Variants in NVL observed in about 807,000 individuals in gnomAD.
The protein encoded by NVL is nuclear valosin-containing protein-like.
A neutral mutation model predicts 110.2 loss-of-function variants in NVL; 84 were observed. That is an observed-to-expected ratio of 0.76 (90% confidence interval 0.64 to 0.91). The LOEUF is 0.91. Ranked by LOEUF, NVL falls within the 40% of genes least tolerant of loss-of-function variation. The pLI, the probability that NVL is intolerant of heterozygous loss-of-function variation, is 0.00. For synonymous variants in NVL, 354 were observed against 361.1 expected, an observed-to-expected ratio of 0.98 and a Z score of 0.22; for missense variants, 882 against 1,035.9, an observed-to-expected ratio of 0.85 and a Z score of 2.04.
At chr1:224,237,163 G>A (rs188141591) in intron 19 of NVL, among the ~76,000 whole-genome samples, 10 of 152,312 alleles carry the variant, frequency 6.6e-5, no homozygotes, top group African/African-American at 1.4e-4. Context: ...CTAGCACCTC[G>A]ATCTTTCCAA....
At position 224,310,194 on chromosome 1, in the gene NVL, A is replaced by AG. The variant is rs56661362; in HGVS notation, c.342+1605_342+1606insC. On this transcript the variant is annotated intron_variant, in intron 5 of 22. Transcript: ENST00000281701. ...ACTCCCTCGCAAAAAAAAAAAAAAA[A>AG]AAAGAAAGAAATATAGTGTAAAAAC... is the stretch of plus-strand genomic sequence containing the variant. 5.6e-3 allele frequency among the ~76,000 whole-genome samples: 847 copies of AG among 151,802 alleles called. 7 individuals carry two copies. Among genetic ancestry groups the AG allele is most frequent in the African/African-American group, 0.019 (796 of 41,298 alleles).
At chr1:224,260,458 A>C (rs528300907) in intron 18 of NVL, among the ~76,000 whole-genome samples, 1 of 151,902 alleles carries the variant, frequency 6.6e-6, no homozygotes, top group African/African-American at 2.4e-5. Flanking sequence ...GGGTTTCACC[A>C]TGTTGGCCAG....
At chr1:224,309,048 G>C (rs1038093236) in intron 5 of NVL, among the ~76,000 whole-genome samples, 1 of 122,680 alleles carries the variant, frequency 8.2e-6, no homozygotes, top group Non-Finnish European at 1.6e-5. Context: ...GTGACAGAGC[G>C]GGACTCTGTC....
intron 11 of NVL, among the ~76,000 whole-genome samples, chr1:224,296,128 C>A (rs566998700): frequency 1.3e-5 from 2 of 152,066 alleles, no homozygotes; most frequent in South Asian, 4.1e-4. Flanking sequence ...AACACTCTAT[C>A]TCATCAATCA....
intron 19 of NVL, among the ~76,000 whole-genome samples, chr1:224,240,609 C>T (rs1226735970): frequency 6.6e-6 from 1 of 152,088 alleles, no homozygotes; most frequent in Non-Finnish European, 1.5e-5. Flanking sequence ...TGAAAGAAAG[C>T]TCAGTATATA....
chr1:224,316,662 CAAA>C (rs71170004), intron 4 of NVL, among the ~76,000 whole-genome samples: 3 of 121,962 alleles, frequency 2.5e-5, no homozygotes, highest in Non-Finnish European at 3.3e-5. Context: ...AACCCTGTCT[CAAA>C]AAAAAAAAAA....
intron 18 of NVL, among the ~76,000 whole-genome samples, chr1:224,261,777 C>T (rs1266806178): frequency 6.6e-6 from 1 of 151,372 alleles, no homozygotes; most frequent in Non-Finnish European, 1.5e-5. Flanking sequence ...CATAGTGAGA[C>T]GTCATCTCTA....
chr1:224,274,383 C>T (rs1006083617), intron 17 of NVL, among the ~76,000 whole-genome samples: 2 of 151,982 alleles, frequency 1.3e-5, no homozygotes, highest in African/African-American at 4.8e-5. Context: ...CCATGTAATC[C>T]CAGCACTTTT....
intron 22 of NVL, 39 bp from the exon 23 acceptor site, chr1:224,227,709 T>G: frequency 6.3e-7 from 1 of 1,593,014 alleles, no homozygotes; most frequent in Non-Finnish European, 8.6e-7. Flanking sequence ...AGACCGTCAC[T>G]GCTTGTTTTG....
At chr1:224,285,999 T>TCTGA in intron 15 of NVL, 27 bp downstream of exon 15, 1 of 1,516,618 alleles carries the variant, frequency 6.6e-7, no homozygotes, top group East Asian at 2.3e-5. Context: ...AAGAAATAAA[T>TCTGA]TACATGCAAT....
rs973488620 is a variant in NVL at position 224,317,709 on chromosome 1, C to T, written c.269G>A (p.Gly90Asp). 6.3e-7 allele frequency: 1 copy of T among 1,598,646 alleles called. No homozygotes were observed. The highest frequency in any genetic ancestry group is 1.7e-5 in the Admixed American group (1 of 59,922). ...DEHLAKRARQ[G>D]EEDNEYTESY... ...GTATACTTACTCATTATCCTCTTCA[C>T]CTTGTCTTGCCCTTTTTGCCAAATG... Residue 90 changes from glycine to aspartate, a missense_variant, in exon 4 of 23, where the codon GGT becomes GAT. By Grantham distance (94) the Gly-to-Asp change is moderately conservative. This residue lies in a region of NVL where 274 missense variants were observed against 268.4 expected (regional missense o/e 1.02). Transcript: ENST00000281701.
intron 20 of NVL, 85 bp from the exon 21 acceptor site, chr1:224,233,374 C>A: frequency 1.1e-6 from 1 of 944,030 alleles, no homozygotes; most frequent in South Asian, 1.9e-5. Flanking sequence ...TCATATAAGT[C>A]ATATATTAAA....
At chr1:224,239,780 T>C (rs1014521540) in intron 19 of NVL, among the ~76,000 whole-genome samples, 13 of 152,222 alleles carry the variant, frequency 8.5e-5, no homozygotes, top group African/African-American at 3.1e-4. Flanking sequence ...CTTTGTGTAA[T>C]ACCCTCAGTT....
At chr1:224,300,718 T>C (rs1572000058) in intron 9 of NVL, 55 bp from the exon 10 acceptor site, 2 of 1,390,856 alleles carry the variant, frequency 1.4e-6, no homozygotes, top group Admixed American at 3.9e-5. Flanking sequence ...TTCCCTACTT[T>C]TTCTTATCCA....
intron 15 of NVL, among the ~76,000 whole-genome samples, chr1:224,284,764 T>C (rs1329250779): frequency 2.0e-5 from 3 of 152,164 alleles, no homozygotes. Context: ...TTAAGAGCAA[T>C]GTTCATGGCC....
chr1:224,258,200 T>C (rs1375158577), intron 18 of NVL, among the ~76,000 whole-genome samples: 1 of 152,120 alleles, frequency 6.6e-6, no homozygotes, highest in African/African-American at 2.4e-5. Flanking sequence ...TACTACTCAA[T>C]GACAAGGCAA....
At chr1:224,248,770 T>C (rs1000809408) in intron 19 of NVL, among the ~76,000 whole-genome samples, 1 of 152,172 alleles carries the variant, frequency 6.6e-6, no homozygotes, top group Non-Finnish European at 1.5e-5. Context: ...TCTATTAATA[T>C]TCCAAGCTGG....
At chr1:224,326,199 C>T (rs565193987) in intron 2 of NVL, among the ~76,000 whole-genome samples, 192 bp downstream of exon 2, 1 of 152,268 alleles carries the variant, frequency 6.6e-6, no homozygotes, top group Admixed American at 6.5e-5. Flanking sequence ...TCCCACAGTA[C>T]AAAAGACATT....
intron 20 of NVL, among the ~76,000 whole-genome samples, chr1:224,235,572 C>G (rs1028215672): frequency 6.6e-6 from 1 of 152,014 alleles, no homozygotes; most frequent in Non-Finnish European, 1.5e-5. Context: ...CTCACCACCC[C>G]TGCCTGAGAC....
Sources: allele counts gnomAD v4.1 joint callset (sites outside exome capture counted in the v4.1 genomes callset), GRCh38; gene constraint gnomAD v4.1.1; regional missense constraint gnomAD v4.1.1; transcripts MANE v1.5; gene names NCBI Gene and HGNC (gene_info 2026-07-23, HGNC 2026-07-21).